The following IRAK1BP1 variants were observed in gnomAD, a reference collection of about 807,000 sequenced individuals.
The protein encoded by IRAK1BP1 is interleukin-1 receptor-associated kinase 1-binding protein 1.
Under a neutral mutation model 28.0 loss-of-function variants are expected in IRAK1BP1, and 24 were observed. The observed-to-expected ratio is 0.86, with a 90% CI of 0.62 to 1.20. IRAK1BP1 has a LOEUF of 1.20. Among genes scored for constraint, IRAK1BP1 ranks in the 50% most tolerant of loss-of-function variants. IRAK1BP1 has a pLI of 0.00. For missense variants in IRAK1BP1, 336 were observed against 316.7 expected (o/e 1.06, Z -0.46); for synonymous variants, 131 against 116.3 (o/e 1.13, Z -0.81).
chr6:78,893,490 G>A (rs1771759193), intron 2 of IRAK1BP1, among the ~76,000 whole-genome samples: 1 of 151,794 alleles, frequency 6.6e-6, no homozygotes. Context: ...CATTTAAGCA[G>A]AAAAGAATGA....
At chr6:78,888,803 T>C (rs956061218) in intron 2 of IRAK1BP1, among the ~76,000 whole-genome samples, 16 of 152,098 alleles carry the variant, frequency 1.1e-4, no homozygotes, top group Non-Finnish European at 1.8e-4. Context: ...CCACCTAGCC[T>C]GGCCTAAATA....
the IRAK1BP1 span, among the ~76,000 whole-genome samples, chr6:78,967,438 A>G: frequency 2.0e-5 from 3 of 152,236 alleles, no homozygotes; most frequent in African/African-American, 4.8e-5. Flanking sequence ...GTGCCTAATC[A>G]TAACGAACAA....
chr6:78,965,565 C>T, the IRAK1BP1 span: 46 of 586,642 alleles, frequency 7.8e-5, no homozygotes, highest in Non-Finnish European at 1.0e-4. Flanking sequence ...TCAAGGTGTA[C>T]AATAATAAAT....
intron 1 of IRAK1BP1, 118 bp downstream of exon 1, chr6:78,868,009 G>C: frequency 8.8e-7 from 1 of 1,139,580 alleles, no homozygotes; most frequent in Non-Finnish European, 1.2e-6. Context: ...GAGCGTTTAG[G>C]ACGCGTTTGT....
intron 4 of IRAK1BP1, chr6:78,941,090 G>A (rs1361379556): frequency 1.2e-6 from 2 of 1,613,940 alleles, no homozygotes; most frequent in Non-Finnish European, 8.5e-7. Flanking sequence ...ATTGCATGTT[G>A]AAGAAGGAAG....
intron 1 of IRAK1BP1, among the ~76,000 whole-genome samples, chr6:78,875,048 A>G (rs1341542541): frequency 6.6e-6 from 1 of 152,198 alleles, no homozygotes; most frequent in Non-Finnish European, 1.5e-5. Flanking sequence ...GAAAAAAAAC[A>G]ATCTCGTGAA....
chr6:78,942,109 G>C (rs1773535643), intron 4 of IRAK1BP1, among the ~76,000 whole-genome samples: 1 of 152,176 alleles, frequency 6.6e-6, no homozygotes, highest in Admixed American at 6.5e-5. Flanking sequence ...GAAATTCATA[G>C]ATGGAAACTG....
rs748557453 is a variant in IRAK1BP1, at chr6:78,945,425, T to A, written c.*85T>A. Reference sequence around the variant, plus strand: ...TTTTGCAGAATTATTCCTAGTGCCATGACTAAAACTGGATTGACCAGGACT... The same window carrying A: ...TTTTGCAGAATTATTCCTAGTGCCAAGACTAAAACTGGATTGACCAGGACT... On this transcript the variant is annotated 3_prime_UTR_variant and NMD_transcript_variant, in exon 5 of 5. Transcript: ENST00000606868. 5.0e-6 allele frequency: 8 copies of A among 1,611,354 alleles called. No homozygotes were observed. The highest frequency in any genetic ancestry group is 8.5e-7 in the Non-Finnish European group (1 of 1,177,532).
the IRAK1BP1 span, among the ~76,000 whole-genome samples, chr6:78,962,306 C>A: frequency 1.3e-5 from 2 of 152,084 alleles, no homozygotes; most frequent in Non-Finnish European, 2.9e-5. Flanking sequence ...CCAATACACA[C>A]CGTAAAGTTG....
Position 78,941,324 on chromosome 6 carries a change from C to G in IRAK1BP1, c.*68-4084C>G, listed in dbSNP as rs1338187903. On this transcript the variant is annotated intron_variant and NMD_transcript_variant, in intron 4 of 4. Coordinates refer to the IRAK1BP1 transcript ENST00000606868. ...TCCTGGTACAAGAGCGTTGTTCTTA[C>G]AATCTCCTAAAAGGGAACAACAGTA... 1 of 1,612,050 alleles carries G rather than the reference C, an allele frequency of 6.2e-7. No homozygotes were observed. Among genetic ancestry groups the G allele is most frequent in the Non-Finnish European group, 8.5e-7 (1 of 1,178,924 alleles).
In IRAK1BP1 at chr6:78,936,171, C is replaced by T. The variant is rs1192022410; in HGVS notation, c.*68-9237C>T. The stretch of plus-strand genomic sequence containing the variant: ...TAATTTGTTTTAAAACTCTGTGTTA[C>T]TTATTACATACAACAGATCTGCTTG... On this transcript the variant is annotated intron_variant and NMD_transcript_variant, in intron 4 of 4. Transcript: ENST00000606868. 3 of 152,048 alleles carry T rather than the reference C, an allele frequency of 2.0e-5. No individual in the cohort carries two copies. The East Asian group carries it at 5.8e-4, about 29-fold the overall frequency. 9.4% of individuals were successfully genotyped at this position (152,048 alleles called of 1,614,324 possible).
At chr6:78,919,522 C>T (rs1772661404) in intron 4 of IRAK1BP1, among the ~76,000 whole-genome samples, 1 of 152,078 alleles carries the variant, frequency 6.6e-6, no homozygotes, top group Admixed American at 6.6e-5. Flanking sequence ...TTACAACTGA[C>T]CCTACAGAAA....
chr6:78,955,251 G>A, the IRAK1BP1 span: 2 of 1,609,408 alleles, frequency 1.2e-6, no homozygotes, highest in Non-Finnish European at 1.7e-6. Flanking sequence ...TCGAGTAGAA[G>A]TTCCTGGCAC....
the IRAK1BP1 span, chr6:78,965,833 T>TA: frequency 8.5e-7 from 1 of 1,182,166 alleles, no homozygotes; most frequent in South Asian, 1.3e-5. Context: ...TAAAATCAAT[T>TA]ATCAAAATAA....
chr6:78,925,905 T>TG, intron 4 of IRAK1BP1, among the ~76,000 whole-genome samples: 1 of 152,236 alleles, frequency 6.6e-6, no homozygotes, highest in Admixed American at 6.5e-5. Flanking sequence ...TGGATGTACC[T>TG]CAAGACCGTT....
intron 4 of IRAK1BP1, among the ~76,000 whole-genome samples, chr6:78,923,402 CA>C (rs1315529726): frequency 6.6e-6 from 1 of 152,134 alleles, no homozygotes; most frequent in Admixed American, 6.5e-5. Context: ...AATACAGGAG[CA>C]CCCAGATTGA....
intron 1 of IRAK1BP1, among the ~76,000 whole-genome samples, chr6:78,876,853 C>A (rs571718785): frequency 6.6e-6 from 1 of 152,256 alleles, no homozygotes; most frequent in South Asian, 2.1e-4. Context: ...TCCCCTAGGG[C>A]AAAATCATCT....
At chr6:78,965,888 GA>G in the IRAK1BP1 span, 163 of 1,312,494 alleles carry the variant, frequency 1.2e-4, no homozygotes, top group Non-Finnish European at 1.5e-4. Context: ...TTAATAGATG[GA>G]AAAAAAAATT....
chr6:78,924,472 G>A (rs549334388), intron 4 of IRAK1BP1, among the ~76,000 whole-genome samples: 55 of 152,126 alleles, frequency 3.6e-4, no homozygotes, highest in African/African-American at 1.2e-3. Context: ...ATTCACAGCC[G>A]AATTCTATCA....
Sources: allele counts gnomAD v4.1 joint callset (sites outside exome capture counted in the v4.1 genomes callset), GRCh38; gene constraint gnomAD v4.1.1; transcripts MANE v1.5; gene names NCBI Gene and HGNC (gene_info 2026-07-23, HGNC 2026-07-21).